The following MTCL1 variants were observed in gnomAD, a reference collection of about 807,000 sequenced individuals.
The protein encoded by MTCL1 is microtubule crosslinking factor 1.
Under a neutral mutation model 141.4 loss-of-function variants are expected in MTCL1, and 79 were observed. That is an observed-to-expected ratio of 0.56 (90% CI 0.47 to 0.67). MTCL1 has a LOEUF of 0.67. Ranked by LOEUF, MTCL1 falls within the 30% of genes least tolerant of loss-of-function variation. The pLI is 0.00. For missense variants in MTCL1, 2,177 were observed against 2,113.9 expected, an observed-to-expected ratio of 1.03 and a Z score of -0.59; for synonymous variants, 914 against 875.8, an observed-to-expected ratio of 1.04 and a Z score of -0.77.
upstream of MTCL1, among the ~76,000 whole-genome samples, chr18:8,713,879 G>A (rs1453354789): frequency 6.6e-6 from 1 of 152,170 alleles, no homozygotes; most frequent in East Asian, 1.9e-4. Flanking sequence ...GGAGCTCAAG[G>A]TGGCAGTGAG....
At chr18:8,817,252 CTTTTTTTTT>C (rs35022661) in intron 12 of MTCL1, among the ~76,000 whole-genome samples, 22 of 118,238 alleles carry the variant, frequency 1.9e-4, no homozygotes, top group African/African-American at 6.7e-4. Context: ...AAAGCCTTCC[CTTTTTTTTT>C]TTTTTTTTTT....
chr18:8,784,614 A>G (rs1965665), exon 6 of MTCL1: 582,044 of 1,613,004 alleles, frequency 0.36, 108,380 homozygotes, highest in Admixed American at 0.51. Context: ...GAAGAGGAGC[A>G]GGGTGAGGGG....
intron 10 of MTCL1, among the ~76,000 whole-genome samples, chr18:8,804,757 TGAG>T (rs1487032289): frequency 6.6e-6 from 1 of 152,200 alleles, no homozygotes. Flanking sequence ...TTTCTGAGGC[TGAG>T]GCAGGTGGAT....
Position 8,810,680 on chromosome 18 carries a change from G to A in MTCL1, c.2605-2299G>A, listed in dbSNP as rs1407473072. ...AGCTCTTTTAAACTGGGATTTTGTG[G>A]TGCTTGGTGCTTTTCTGGTAGTCTT... is the stretch of plus-strand genomic sequence containing the variant. On this transcript the variant is annotated intron_variant, in intron 11 of 16. Coordinates refer to ENST00000359865, the Ensembl canonical transcript of MTCL1. This position sits in a 1 kb window ranked among gnomAD's most constrained non-coding sequence, Gnocchi z 5.0. Among the ~76,000 whole-genome samples, 1 of 152,140 alleles carries A rather than the reference G, an allele frequency of 6.6e-6. No individual in the cohort carries two copies. The highest frequency in any genetic ancestry group is 1.5e-5 in the Non-Finnish European group (1 of 68,028).
upstream of MTCL1, among the ~76,000 whole-genome samples, chr18:8,715,077 T>A (rs1408551183): frequency 6.6e-6 from 1 of 152,226 alleles, no homozygotes; most frequent in Non-Finnish European, 1.5e-5. Flanking sequence ...ATTACAGGCG[T>A]GAGCCACCGC....
At chr18:8,707,684 G>A (rs2096065575) in intron 1 of MTCL1, 1 of 152,412 alleles carries the variant, frequency 6.6e-6, no homozygotes, top group Non-Finnish European at 1.5e-5. Context: ...GTCTTAATGA[G>A]CAGCCAACCA....
At chr18:8,713,351 C>T (rs542882125), upstream of MTCL1, among the ~76,000 whole-genome samples, 5 of 152,188 alleles carry the variant, frequency 3.3e-5, no homozygotes, top group South Asian at 2.1e-4. Context: ...TTCTTATTTC[C>T]GTGTATAAAA....
chr18:8,792,394 G>A lies in MTCL1; in HGVS notation c.1888-604G>A, dbSNP rs983894165. Among the ~76,000 whole-genome samples the A allele has an allele frequency of 9.2e-5, 14 of 152,224 alleles. No homozygotes were observed. In the South Asian group the frequency reaches 1.2e-3, roughly 14 times the overall value. On this transcript the variant is annotated intron_variant, in intron 7 of 16. Transcript: ENST00000359865. ...TAAGTACATCTTTGTGCGATTCCCT[G>A]TAGACAACATGTGCCGTTGGGAGGC... is the stretch of plus-strand genomic sequence containing the variant.
intron 11 of MTCL1, among the ~76,000 whole-genome samples, chr18:8,811,851 A>T (rs12454669): frequency 0.25 from 37,441 of 152,156 alleles, 5,036 homozygotes; most frequent in Middle Eastern, 0.32. Context: ...GCACTTAATG[A>T]AATATAAGAG....
At chr18:8,720,350 G>A in exon 4 of MTCL1, 1 of 1,614,100 alleles carries the variant, frequency 6.2e-7, no homozygotes, top group Non-Finnish European at 8.5e-7. Context: ...AGCCAAAGAT[G>A]TATCTGTCAG....
exon 6 of MTCL1, chr18:8,784,748 C>T (rs1568030041): frequency 2.5e-6 from 4 of 1,614,216 alleles, no homozygotes; most frequent in Non-Finnish European, 3.4e-6. Context: ...CTTGCCCCAC[C>T]TCACAGAGTC....
intron 1 of MTCL1, among the ~76,000 whole-genome samples, chr18:8,711,376 A>G (rs1179155909): frequency 6.7e-6 from 1 of 149,900 alleles, no homozygotes; most frequent in Non-Finnish European, 1.5e-5. Context: ...TTATAGCAGC[A>G]TGATTTCTAG....
At chr18:8,728,622 G>C (rs935959127) in intron 4 of MTCL1, among the ~76,000 whole-genome samples, 4 of 150,986 alleles carry the variant, frequency 2.6e-5, no homozygotes, top group African/African-American at 9.7e-5. Context: ...AATAGTGTTC[G>C]ATAGTGAAAT....
At chr18:8,777,218 A>G (rs1351006257) in intron 4 of MTCL1, among the ~76,000 whole-genome samples, 2 of 152,178 alleles carry the variant, frequency 1.3e-5, no homozygotes, top group South Asian at 2.1e-4. Flanking sequence ...CCTGGGTGAC[A>G]AAGTAGTGAG....
chr18:8,724,594 A>G (rs1439572546), intron 4 of MTCL1, among the ~76,000 whole-genome samples: 1 of 151,840 alleles, frequency 6.6e-6, no homozygotes, highest in Non-Finnish European at 1.5e-5. Context: ...TGAACATGTC[A>G]CTCTGCTTAA....
chr18:8,799,665 A>G (rs2076048030), intron 10 of MTCL1, among the ~76,000 whole-genome samples: 1 of 152,198 alleles, frequency 6.6e-6, no homozygotes, highest in South Asian at 2.1e-4. Flanking sequence ...CTCCCATAAT[A>G]TTGCCACTGA....
chr18:8,809,326 T>C (rs2076402094), intron 11 of MTCL1: 1 of 1,238,596 alleles, frequency 8.1e-7, no homozygotes, highest in Non-Finnish European at 1.1e-6. Flanking sequence ...CACTAAAATT[T>C]AGCATGTCCT....
At chr18:8,789,694 A>G (rs1044041712) in intron 7 of MTCL1, 2 of 985,324 alleles carry the variant, frequency 2.0e-6, no homozygotes, top group Non-Finnish European at 2.4e-6. Context: ...GGAGATCAAG[A>G]TGAATTTGAT....
At chr18:8,819,109 G>A (rs1406752285) in exon 13 of MTCL1, 16 of 1,614,096 alleles carry the variant, frequency 9.9e-6, no homozygotes, top group Middle Eastern at 1.6e-4. Context: ...ACTCCATCCC[G>A]TTTGAAGACC....
Sources: gnomAD v4.1 joint callset for allele counts (sites outside exome capture counted in the v4.1 genomes callset) on GRCh38, gnomAD v4.1.1 for gene constraint, Gnocchi (gnomAD v3.1) non-coding constraint, MANE v1.5 for transcripts, NCBI Gene and HGNC (gene_info 2026-07-23, HGNC 2026-07-21) for gene names.